Variants in ZNF738 observed in about 807,000 individuals in gnomAD.
ZNF738 encodes the protein zinc finger protein 738, also known as protein ZNF738.
Under a neutral mutation model 9.2 loss-of-function variants are expected in ZNF738, and 10 were observed. That is an observed-to-expected ratio of 1.09 (90% CI 0.67 to 1.85). The LOEUF (loss-of-function observed/expected upper bound fraction) is 1.85, where lower values mean the gene tolerates loss of function less well. Among genes scored for constraint, ZNF738 ranks in the 40% most tolerant of loss-of-function variants. The probability of loss-of-function intolerance (pLI) is 0.00; values close to 1 mark genes in which losing one functional copy is unlikely to be tolerated. For missense variants in ZNF738, 346 were observed against 283.6 expected (o/e 1.22, Z -1.58); for synonymous variants, 113 against 94.5 (o/e 1.20, Z -1.14).
intron 4 of ZNF738, chr19:21,381,233 C>T (rs753212032): frequency 7.0e-6 from 11 of 1,561,764 alleles, no homozygotes; most frequent in Non-Finnish European, 9.6e-6. Flanking sequence ...AATATTAAAG[C>T]TTTCTCTACA....
At position 21,387,710 on chromosome 19, in the gene ZNF738, CT is replaced by C. The variant is rs758205672; in HGVS notation, c.*4039del. Reference sequence around the variant, plus strand: ...ATAAGGGCAATTACTGTCAAAAGGTCTTTCAGAAAAATATAACCCTTTAAAG... The same window carrying C: ...ATAAGGGCAATTACTGTCAAAAGGTCTTCAGAAAAATATAACCCTTTAAAG... On this transcript the variant is annotated 3_prime_UTR_variant, in exon 5 of 5. Coordinates refer to ENST00000683779, the MANE Select transcript of ZNF738 (RefSeq NM_001355237.2). Among the ~76,000 whole-genome samples the C allele has an allele frequency of 4.6e-5, 7 of 152,118 alleles. No individual in the cohort carries two copies. Among genetic ancestry groups the C allele is most frequent in the Non-Finnish European group, 1.0e-4 (7 of 68,020 alleles).
chr19:21,361,581 C>T (rs554784589), intron 1 of ZNF738, among the ~76,000 whole-genome samples, 185 bp from the exon 2 acceptor site: 5 of 152,252 alleles, frequency 3.3e-5, no homozygotes, highest in Middle Eastern at 3.4e-3. Flanking sequence ...GAGATGTTAT[C>T]GGAATTTTTT....
chr19:21,370,918 T>C (rs1973847347), intron 2 of ZNF738, among the ~76,000 whole-genome samples: 1 of 152,200 alleles, frequency 6.6e-6, no homozygotes, highest in South Asian at 2.1e-4. Flanking sequence ...GCATTTTCTG[T>C]ATTGTGAGAT....
chr19:21,375,432 T>A, intron 3 of ZNF738, 68 bp downstream of exon 3: 1 of 611,312 alleles, frequency 1.6e-6, no homozygotes, highest in Non-Finnish European at 2.9e-6. Context: ...TTTTGTAGAA[T>A]AATTTTTGGT....
At chr19:21,375,476 C>A in intron 3 of ZNF738, 112 bp downstream of exon 3, 1 of 540,764 alleles carries the variant, frequency 1.8e-6, no homozygotes, top group Non-Finnish European at 3.3e-6. Flanking sequence ...TTTCTGATCC[C>A]TGTTTTCAAA....
Position 21,383,339 on chromosome 19 carries a change from T to C in ZNF738, c.793T>C (p.Cys265Arg), listed in dbSNP as rs1414753678. The change falls in exon 5 of 5, where the codon TGT (cysteine) becomes CGT (arginine). Residue 265 changes from cysteine to arginine, a missense_variant. Cys to Arg is a radical substitution (Grantham distance 180). Transcript: ENST00000683779. The stretch of plus-strand genomic sequence containing the variant: ...AGACAAATCCTACAAACATGAAGAA[T>C]GTGGAAAAGGTTTTAACCACTCCAC... ...TGDKSYKHEE[C>R]GKGFNHSTTL... The C allele has an allele frequency of 2.2e-6, 3 of 1,362,334 alleles. No individual in the cohort carries two copies. The African/African-American group carries it at 4.4e-5, about 20-fold the overall frequency. 84.4% of individuals were successfully genotyped at this position (1,362,334 alleles called of 1,614,324 possible).
At position 21,382,968 on chromosome 19, in the gene ZNF738, A is replaced by G. The variant is rs1451482051; in HGVS notation, c.422A>G (p.Asp141Gly). ...LREYGNYGHKDLQLRKGCKSV... is the reference protein window; with the variant it reads ...LREYGNYGHKGLQLRKGCKSV... ...GAATATGGAAATTATGGACATAAAG[A>G]TTTACAGTTAAGAAAAGGCTGTAAA... Residue 141 changes from aspartate to glycine, a missense_variant, in exon 5 of 5, where the codon GAT becomes GGT. Physicochemically the swap from Asp to Gly is moderately conservative, Grantham distance 94. Coordinates refer to ENST00000683779, the MANE Select transcript of ZNF738 (RefSeq NM_001355237.2). 1 of 661,762 alleles carries G rather than the reference A, an allele frequency of 1.5e-6. No individual in the cohort carries two copies. The highest frequency in any genetic ancestry group is 2.8e-6 in the Non-Finnish European group (1 of 355,582). 41.0% of individuals were successfully genotyped at this position (661,762 alleles called of 1,614,324 possible).
intron 2 of ZNF738, among the ~76,000 whole-genome samples, chr19:21,367,189 T>C (rs766651360): frequency 1.3e-5 from 2 of 152,240 alleles, no homozygotes; most frequent in Non-Finnish European, 2.9e-5. Context: ...TAGGGTTATG[T>C]ATGTGTTTCA....
chr19:21,364,596 G>T (rs574190072), intron 2 of ZNF738, among the ~76,000 whole-genome samples: 52 of 152,118 alleles, frequency 3.4e-4, no homozygotes, highest in Admixed American at 7.2e-4. Context: ...GAGGGTCCTT[G>T]GATTTCATTC....
At position 21,359,128 on chromosome 19, in the gene ZNF738, TG is replaced by T; in HGVS notation, c.-11del. The T allele has an allele frequency of 9.7e-7, 1 of 1,027,962 alleles. No individual in the cohort carries two copies. The allele number at this position is 1,027,962 out of a possible 1,614,324, so 63.7% of individuals were successfully genotyped here. On this transcript the variant is annotated 5_prime_UTR_variant, in exon 1 of 5. Coordinates refer to ENST00000683779, the MANE Select transcript of ZNF738 (RefSeq NM_001355237.2). ...CCACAGCTAAGACGCCGGGACACCC[TG>T]GAAGCCTAGAAATGGTGAGAGTGCG...
At chr19:21,367,427 C>T (rs1973798148) in intron 2 of ZNF738, among the ~76,000 whole-genome samples, 1 of 152,016 alleles carries the variant, frequency 6.6e-6, no homozygotes, top group Admixed American at 6.6e-5. Flanking sequence ...GCAGTGAGGA[C>T]AATGTTGTGA....
intron 2 of ZNF738, among the ~76,000 whole-genome samples, chr19:21,367,651 C>T (rs1227298249): frequency 6.6e-6 from 1 of 152,108 alleles, no homozygotes; most frequent in Non-Finnish European, 1.5e-5. Flanking sequence ...TGTCATACTG[C>T]CCATTGTCCT....
intron 4 of ZNF738, chr19:21,381,250 C>T (rs1276692173): frequency 3.8e-6 from 6 of 1,587,096 alleles, no homozygotes; most frequent in South Asian, 1.1e-5. Context: ...TACAGCCACA[C>T]GTCCCTTTGA....
intron 2 of ZNF738, among the ~76,000 whole-genome samples, chr19:21,369,165 G>A (rs1973825199): frequency 1.3e-5 from 2 of 152,142 alleles, no homozygotes; most frequent in Non-Finnish European, 2.9e-5. Flanking sequence ...GCAGTGGTGT[G>A]ATCTTGGCTC....
At chr19:21,376,071 A>T in intron 4 of ZNF738, 107 bp downstream of exon 4, 2 of 537,134 alleles carry the variant, frequency 3.7e-6, no homozygotes. Flanking sequence ...TTCCAAAGCA[A>T]ATAGATTCTG....
intron 2 of ZNF738, chr19:21,372,434 G>A (rs1304797155): frequency 2.6e-5 from 4 of 151,626 alleles, no homozygotes; most frequent in African/African-American, 9.8e-5. Context: ...AAAGATTCAA[G>A]TTTTTGGGGG....
chr19:21,381,294 AT>A, intron 4 of ZNF738: 4 of 1,589,534 alleles, frequency 2.5e-6, no homozygotes, highest in Non-Finnish European at 3.4e-6. Flanking sequence ...TCACTGGATA[AT>A]TTGTCTTCAA....
rs1211575862 is a variant in ZNF738 at position 21,387,896 on chromosome 19, A to G, written c.*4222A>G. 6.6e-6 allele frequency among the ~76,000 whole-genome samples: 1 copy of G among 152,184 alleles called. No individual in the cohort carries two copies. Among genetic ancestry groups the G allele is most frequent in the Non-Finnish European group, 1.5e-5 (1 of 68,020 alleles). ...AACATTAGGGCACTTATATTGGAAA[A>G]GTGTCTTGCAGATATAATAAATGTG... is the stretch of plus-strand genomic sequence containing the variant. On this transcript the variant is annotated 3_prime_UTR_variant, in exon 5 of 5. Coordinates refer to ENST00000683779, the MANE Select transcript of ZNF738 (RefSeq NM_001355237.2).
intron 2 of ZNF738, among the ~76,000 whole-genome samples, chr19:21,364,394 T>C (rs1295677242): frequency 6.6e-6 from 1 of 152,034 alleles, no homozygotes; most frequent in Non-Finnish European, 1.5e-5. Flanking sequence ...TATCCTGAAG[T>C]CAGCATGTTC....
Sources: gnomAD v4.1 joint callset for allele counts (sites outside exome capture counted in the v4.1 genomes callset) on GRCh38, gnomAD v4.1.1 for gene constraint, MANE v1.5 for transcripts, NCBI Gene and HGNC (gene_info 2026-07-23, HGNC 2026-07-21) for gene names.